The following GRIK1 variants were observed in gnomAD, a reference collection of about 807,000 sequenced individuals.
GRIK1 encodes the protein glutamate ionotropic receptor kainate type subunit 1, also known as glutamate receptor ionotropic, kainate 1.
A neutral mutation model predicts 105.7 loss-of-function variants in GRIK1; 69 were observed. The ratio of observed to expected loss-of-function variants is 0.65; its 90% CI spans 0.54 to 0.80. GRIK1 has a LOEUF of 0.80. GRIK1 is among the 30% of genes least tolerant of loss of function. GRIK1 has a pLI of 0.00. For missense variants in GRIK1, 1,109 were observed against 1,167.3 expected (o/e 0.95, Z 0.73); for synonymous variants, 438 against 431.3 (o/e 1.02, Z -0.19).
intron 7 of GRIK1, among the ~76,000 whole-genome samples, chr21:29,613,431 C>T (rs994354407): frequency 2.0e-4 from 30 of 152,194 alleles, no homozygotes; most frequent in African/African-American, 5.5e-4. Flanking sequence ...CCTCACACTA[C>T]ACCATAAGAA....
chr21:29,867,742 C>T (rs928708916), intron 1 of GRIK1, among the ~76,000 whole-genome samples: 2 of 151,160 alleles, frequency 1.3e-5, no homozygotes, highest in African/African-American at 4.9e-5. Context: ...TGCAGTGAGC[C>T]TAGATCATGC....
intron 1 of GRIK1, among the ~76,000 whole-genome samples, chr21:29,695,669 T>G (rs907279542): frequency 2.0e-5 from 3 of 152,062 alleles, no homozygotes; most frequent in African/African-American, 7.2e-5. Flanking sequence ...GATATGGAGA[T>G]TCACCATATT....
chr21:29,693,911 C>T lies in GRIK1; in HGVS notation c.271G>A (p.Glu91Lys). Residue 91 changes from glutamate (E) to lysine (K), a missense_variant, in exon 2 of 18, where the codon GAA becomes AAA. Coordinates refer to ENST00000327783, the MANE Select transcript of GRIK1 (RefSeq NM_001330994.2). Reference sequence around the variant, plus strand: ...AAATAGTTACCTCTCCGCGAGGCTTCAAAACTATCAAAAAGGTTAATTCTC... The same window carrying T: ...AAATAGTTACCTCTCCGCGAGGCTTTAAAACTATCAAAAAGGTTAATTCTC... ...IQRINLFDSF[E>K]ASRRACDQLA... 2 of 1,612,922 alleles carry T rather than the reference C, an allele frequency of 1.2e-6. No individual in the cohort carries two copies. The highest frequency in any genetic ancestry group is 1.1e-5 in the South Asian group (1 of 90,946).
At chr21:29,635,322 C>T (rs970766574) in intron 7 of GRIK1, among the ~76,000 whole-genome samples, 4 of 152,198 alleles carry the variant, frequency 2.6e-5, no homozygotes, top group South Asian at 2.1e-4. Flanking sequence ...GGCCCAACTA[C>T]GAAATCAAGC....
intron 1 of GRIK1, among the ~76,000 whole-genome samples, chr21:29,928,331 G>A (rs529670288): frequency 3.5e-4 from 54 of 152,250 alleles, no homozygotes; most frequent in Non-Finnish European, 7.1e-4. Flanking sequence ...TTGAACCTGA[G>A]GGCTGAGATA....
Position 29,665,332 on chromosome 21 carries a change from CTA to C in GRIK1, c.726+7649_726+7650del, listed in dbSNP as rs534024425. 4.6e-5 allele frequency among the ~76,000 whole-genome samples: 7 copies of C among 152,274 alleles called. 1 individual carries two copies. The South Asian group carries it at 1.2e-3, about 27-fold the overall frequency. ...AACCGCTCCGTACAACTAAAACTAA[CTA>C]TGTGTTCAGGGAATATAAATAGATT... is the stretch of plus-strand genomic sequence containing the variant. On this transcript the variant is annotated intron_variant, in intron 4 of 17. Transcript: ENST00000327783.
rs1276264866 is a variant in GRIK1, at chr21:29,792,157, T to C, written c.119-98094A>G. Among the ~76,000 whole-genome samples the C allele has an allele frequency of 2.0e-5, 3 of 152,132 alleles. No individual in the cohort carries two copies. The South Asian group carries it at 6.2e-4, about 31-fold the overall frequency. On this transcript the variant is annotated intron_variant, in intron 1 of 17. Coordinates refer to ENST00000327783, the MANE Select transcript of GRIK1 (RefSeq NM_001330994.2). ...TATATATGTCTATGTATTGTGTATA[T>C]GTGTATATGTATGTGTATATGTATA... is the stretch of plus-strand genomic sequence containing the variant.
intron 1 of GRIK1, among the ~76,000 whole-genome samples, chr21:29,806,315 G>A (rs1196789503): frequency 1.3e-5 from 2 of 151,642 alleles, no homozygotes; most frequent in African/African-American, 4.8e-5. Context: ...CAGCGAATCA[G>A]TCAGCCAATA....
At chr21:29,878,047 G>A (rs1279732458) in intron 1 of GRIK1, among the ~76,000 whole-genome samples, 1 of 152,178 alleles carries the variant, frequency 6.6e-6, no homozygotes, top group South Asian at 2.1e-4. Flanking sequence ...TTTGAAAAAG[G>A]TCCTTAGGAA....
chr21:29,734,802 T>C (rs76021664), intron 1 of GRIK1, among the ~76,000 whole-genome samples: 8,975 of 152,244 alleles, frequency 0.059, 303 homozygotes, highest in African/African-American at 0.067. Context: ...ACCTCTGCAT[T>C]CTGTTTCCTA....
intron 16 of GRIK1, among the ~76,000 whole-genome samples, chr21:29,551,213 G>T (rs943966390): frequency 1.3e-4 from 20 of 152,196 alleles, no homozygotes; most frequent in African/African-American, 3.9e-4. Flanking sequence ...ATAGCATGTA[G>T]TAAAGGAACA....
intron 1 of GRIK1, among the ~76,000 whole-genome samples, chr21:29,867,898 GAGAGAA>G (rs1320835745): frequency 0.011 from 1,368 of 123,684 alleles, 29 homozygotes; most frequent in African/African-American, 0.042. Context: ...GAGAGAGAGA[GAGAGAA>G]AGAAAGAGAG....
chr21:29,911,310 C>T (rs1327159682), intron 1 of GRIK1, among the ~76,000 whole-genome samples: 2 of 152,002 alleles, frequency 1.3e-5, no homozygotes, highest in African/African-American at 4.8e-5. Context: ...ATTACATCTA[C>T]ATTGAATAAT....
At chr21:29,569,013 T>A (rs2090676122) in intron 14 of GRIK1, among the ~76,000 whole-genome samples, 1 of 152,224 alleles carries the variant, frequency 6.6e-6, no homozygotes, top group Non-Finnish European at 1.5e-5. Flanking sequence ...GCATATGCAA[T>A]GTATGTGCTC....
chr21:29,808,606 T>A (rs2066925377), intron 1 of GRIK1, among the ~76,000 whole-genome samples: 1 of 152,212 alleles, frequency 6.6e-6, no homozygotes, highest in Non-Finnish European at 1.5e-5. Flanking sequence ...GGCCAATTTC[T>A]TTTTGAAGTT....
At position 29,847,194 on chromosome 21, in the gene GRIK1, C is replaced by T. The variant is rs145265080; in HGVS notation, c.118+92189G>A. Among the ~76,000 whole-genome samples, 56 of 152,206 alleles carry T rather than the reference C, an allele frequency of 3.7e-4. 2 individuals are homozygous for T. In the East Asian group the frequency reaches 0.011, roughly 29 times the overall value. On this transcript the variant is annotated intron_variant, in intron 1 of 17. Transcript: ENST00000327783. ...CGCTCTTTTCTTCACTCTCATTGTC[C>T]TTTTCCTTCTTCTTCCCATCATTTT...
intron 1 of GRIK1, among the ~76,000 whole-genome samples, chr21:29,900,465 A>AAAAAAAAC (rs1223005020): frequency 7.1e-6 from 1 of 140,988 alleles, no homozygotes; most frequent in African/African-American, 3.1e-5. Context: ...AAAGCAAGAA[A>AAAAAAAAC]AAAAAAAAAA....
At chr21:29,674,601 G>A (rs1414913787) in intron 3 of GRIK1, among the ~76,000 whole-genome samples, 2 of 152,118 alleles carry the variant, frequency 1.3e-5, no homozygotes, top group Non-Finnish European at 2.9e-5. Flanking sequence ...TCTTGTGGTA[G>A]TGAGTGAATT....
intron 3 of GRIK1, among the ~76,000 whole-genome samples, chr21:29,682,211 G>T (rs1031871578): frequency 6.6e-6 from 1 of 152,162 alleles, no homozygotes; most frequent in African/African-American, 2.4e-5. Context: ...ACTAGCTAAA[G>T]CTTCTTCTAT....
Sources: gnomAD v4.1 joint callset for allele counts (sites outside exome capture counted in the v4.1 genomes callset) on GRCh38, gnomAD v4.1.1 for gene constraint, MANE v1.5 for transcripts, NCBI Gene and HGNC (gene_info 2026-07-23, HGNC 2026-07-21) for gene names.